The following GRID2 variants were observed in gnomAD, a reference collection of about 807,000 sequenced individuals.
The protein encoded by GRID2 is glutamate ionotropic receptor delta type subunit 2.
In GRID2, 33 loss-of-function variants were observed where a neutral mutation model predicts 114.8. That is an observed-to-expected ratio of 0.29 (90% CI 0.22 to 0.38). The LOEUF is 0.38. Ranked by LOEUF, GRID2 falls within the 10% of genes least tolerant of loss-of-function variation. The pLI is 1.00. For missense variants in GRID2, 1,184 were observed against 1,257.7 expected (o/e 0.94, Z 0.89); for synonymous variants, 505 against 449.9 (o/e 1.12, Z -1.55).
At chr4:93,401,708 C>T (rs1765907692) in intron 9 of GRID2, among the ~76,000 whole-genome samples, 1 of 152,036 alleles carries the variant, frequency 6.6e-6, no homozygotes, top group South Asian at 2.1e-4. Flanking sequence ...GAAGGATATA[C>T]ACAGAAATAG....
chr4:93,135,341 G>T (rs1396980230), intron 4 of GRID2, among the ~76,000 whole-genome samples: 1 of 152,102 alleles, frequency 6.6e-6, no homozygotes, highest in Non-Finnish European at 1.5e-5. Flanking sequence ...AATTATTAGG[G>T]AGCAGCTGAA....
intron 2 of GRID2, among the ~76,000 whole-genome samples, chr4:92,772,489 G>C (rs2149353093): frequency 6.6e-6 from 1 of 152,014 alleles, no homozygotes; most frequent in African/African-American, 2.4e-5. Flanking sequence ...AGGAGCAGTG[G>C]CACATTCATG....
At chr4:92,675,870 T>C (rs1034010073) in intron 2 of GRID2, among the ~76,000 whole-genome samples, 1 of 151,626 alleles carries the variant, frequency 6.6e-6, no homozygotes, top group African/African-American at 2.4e-5. Flanking sequence ...ACCATTTTTT[T>C]AGTGGTGGTT....
rs141255897 is a variant in GRID2, at chr4:93,186,793, A to G, written c.736-20611A>G. On this transcript the variant is annotated intron_variant, in intron 4 of 15. Coordinates refer to ENST00000282020, the MANE Select transcript of GRID2 (RefSeq NM_001510.4). ...CTTCTAATATAGTTTTAACACATTTATAACTAAATTCATATTCAGTATTAT... is the reference window on the plus strand; with the variant it reads ...CTTCTAATATAGTTTTAACACATTTGTAACTAAATTCATATTCAGTATTAT... Among the ~76,000 whole-genome samples the G allele has an allele frequency of 2.4e-3, 363 of 152,316 alleles. 1 individual carries two copies. The highest frequency in any genetic ancestry group is 8.3e-3 in the African/African-American group (345 of 41,566).
At chr4:93,408,658 A>C (rs537469034) in intron 9 of GRID2, among the ~76,000 whole-genome samples, 1 of 152,226 alleles carries the variant, frequency 6.6e-6, no homozygotes, top group East Asian at 1.9e-4. Context: ...CCTTATTATT[A>C]ATCTTAATAA....
At chr4:93,720,734 A>T (rs1363910505) in intron 14 of GRID2, among the ~76,000 whole-genome samples, 1 of 152,228 alleles carries the variant, frequency 6.6e-6, no homozygotes, top group Non-Finnish European at 1.5e-5. Flanking sequence ...GGGCAAAAGG[A>T]GGAAAGTTTA....
intron 2 of GRID2, among the ~76,000 whole-genome samples, chr4:92,616,223 A>C (rs1272367290): frequency 6.6e-6 from 1 of 151,530 alleles, no homozygotes; most frequent in East Asian, 1.9e-4. Flanking sequence ...TTTCACCTTC[A>C]ATTTTGAAGG....
intron 1 of GRID2, 94 bp from the exon 2 acceptor site, chr4:92,590,037 G>GT: frequency 2.4e-6 from 2 of 819,308 alleles, no homozygotes; most frequent in South Asian, 1.7e-5. Flanking sequence ...GAAAGTATAT[G>GT]TTTTTTAAAC....
At chr4:93,674,560 T>G (rs1724690070) in intron 14 of GRID2, among the ~76,000 whole-genome samples, 1 of 152,102 alleles carries the variant, frequency 6.6e-6, no homozygotes. Flanking sequence ...ACTCTCCCAT[T>G]ATGAATAATA....
chr4:92,351,362 T>C (rs1418540311), intron 1 of GRID2, among the ~76,000 whole-genome samples: 2 of 151,860 alleles, frequency 1.3e-5, no homozygotes, highest in Non-Finnish European at 2.9e-5. Flanking sequence ...TTAAAAGCTT[T>C]ATTTAATTTG....
intron 1 of GRID2, among the ~76,000 whole-genome samples, chr4:92,329,174 A>C (rs1327055035): frequency 6.6e-6 from 1 of 152,052 alleles, no homozygotes; most frequent in Admixed American, 6.6e-5. Context: ...TAATAATTCC[A>C]AATGGTTAAG....
At chr4:93,698,026 AT>A (rs766312020) in intron 14 of GRID2, among the ~76,000 whole-genome samples, 29 of 150,470 alleles carry the variant, frequency 1.9e-4, no homozygotes, top group Middle Eastern at 3.2e-3. Context: ...TTTACGGGAT[AT>A]TTTTGGTAAC....
chr4:93,314,521 T>C (rs1756376529), intron 8 of GRID2, among the ~76,000 whole-genome samples: 1 of 152,060 alleles, frequency 6.6e-6, no homozygotes, highest in Non-Finnish European at 1.5e-5. Context: ...TAAAGACCTT[T>C]GCCTGAAATG....
chr4:93,448,985 C>T lies in GRID2; in HGVS notation c.1546-6677C>T, dbSNP rs371574878. On this transcript the variant is annotated intron_variant, in intron 10 of 15. Transcript: ENST00000282020. ...TCTTCTTTCCTTCCTTCTTCTCCAT[C>T]TCCCTCCTATTTTTCCTCCTTCCCT... is the stretch of plus-strand genomic sequence containing the variant. Among the ~76,000 whole-genome samples the T allele has an allele frequency of 8.3e-5, 12 of 144,846 alleles. No individual in the cohort carries two copies. The East Asian group carries it at 2.3e-3, about 28-fold the overall frequency.
intron 13 of GRID2, 27 bp downstream of exon 13, chr4:93,515,438 G>T (rs1043994502): frequency 1.4e-6 from 2 of 1,408,156 alleles, no homozygotes; most frequent in African/African-American, 2.9e-5. Context: ...TCCTTTAATA[G>T]TCCTTACCAT....
chr4:92,496,170 TTTTA>T (rs1723378581), intron 1 of GRID2, among the ~76,000 whole-genome samples: 1 of 151,884 alleles, frequency 6.6e-6, no homozygotes, highest in Non-Finnish European at 1.5e-5. Context: ...AATTGCAAAT[TTTTA>T]TTTATTTTAA....
chr4:93,371,532 G>A (rs1463299895), intron 8 of GRID2, among the ~76,000 whole-genome samples: 5 of 152,048 alleles, frequency 3.3e-5, no homozygotes, highest in African/African-American at 7.2e-5. Context: ...ACTGGCCTTC[G>A]TTGGACCACT....
intron 13 of GRID2, among the ~76,000 whole-genome samples, chr4:93,538,483 G>T (rs1306586150): frequency 1.3e-5 from 2 of 151,516 alleles, no homozygotes; most frequent in Non-Finnish European, 3.0e-5. Flanking sequence ...TCCTACAGGA[G>T]CTTTATACTC....
At chr4:93,534,639 C>A (rs1731842219) in intron 13 of GRID2, among the ~76,000 whole-genome samples, 1 of 152,018 alleles carries the variant, frequency 6.6e-6, no homozygotes, top group African/African-American at 2.4e-5. Flanking sequence ...AAATAACCCC[C>A]AAAAAATTAA....
Sources: allele counts gnomAD v4.1 joint callset (sites outside exome capture counted in the v4.1 genomes callset), GRCh38; gene constraint gnomAD v4.1.1; transcripts MANE v1.5; gene names NCBI Gene and HGNC (gene_info 2026-07-23, HGNC 2026-07-21).